SMC3: variants seen among roughly 807,000 people sequenced by gnomAD.
The protein encoded by SMC3 is structural maintenance of chromosomes protein 3.
Under a neutral mutation model 171.8 loss-of-function variants are expected in SMC3, and 20 were observed. The observed-to-expected ratio is 0.12, with a 90% CI of 0.08 to 0.17. The LOEUF is 0.17. SMC3 is among the 10% of genes least tolerant of loss of function. The pLI is 1.00. For synonymous variants in SMC3, 464 were observed against 451.1 expected (o/e 1.03, Z -0.36); for missense variants, 543 against 1,420.4 (o/e 0.38, Z 9.93).
At chr10:110,598,835 A>G (rs530586403) in intron 20 of SMC3, among the ~76,000 whole-genome samples, 14 of 152,316 alleles carry the variant, frequency 9.2e-5, no homozygotes, top group African/African-American at 3.4e-4. Flanking sequence ...AAGCTGTGAC[A>G]TAAGAGTACT....
chr10:110,592,816 T>C (rs1403990457), intron 17 of SMC3, among the ~76,000 whole-genome samples: 4 of 152,178 alleles, frequency 2.6e-5, no homozygotes, highest in African/African-American at 9.7e-5. Flanking sequence ...GTGTTTGAAT[T>C]TGGGCAGTCT....
chr10:110,586,374 G>C (rs1158774099), intron 13 of SMC3, among the ~76,000 whole-genome samples: 1 of 152,190 alleles, frequency 6.6e-6, no homozygotes, highest in African/African-American at 2.4e-5. Context: ...GAGTGGAAAA[G>C]TTGGGTTAAT....
chr10:110,569,083 TA>T, intron 2 of SMC3, 70 bp downstream of exon 2: 1 of 965,280 alleles, frequency 1.0e-6, no homozygotes, highest in Non-Finnish European at 1.7e-6. Flanking sequence ...TCCATTTCTA[TA>T]TTGGCTTAAG....
At chr10:110,583,176 G>C (rs770428564) in intron 10 of SMC3, among the ~76,000 whole-genome samples, 1 of 152,052 alleles carries the variant, frequency 6.6e-6, no homozygotes, top group Non-Finnish European at 1.5e-5. Context: ...ACAGGCATGA[G>C]CAACCATGTC....
rs373337157 is a variant in SMC3 at position 110,602,503 on chromosome 10, G to A, written c.3135G>A (p.Gln1045=). 75 of 1,613,266 alleles carry A rather than the reference G, an allele frequency of 4.6e-5. No individual in the cohort carries two copies. Among genetic ancestry groups the A allele is most frequent in the Non-Finnish European group, 5.8e-5 (68 of 1,179,690 alleles). ...CTAAGAACTTCAGTGAAGTATTCCAGAAGTTAGTACCTGGTGGCAAAGCTA... is the reference window on the plus strand; with the variant it reads ...CTAAGAACTTCAGTGAAGTATTCCAAAAGTTAGTACCTGGTGGCAAAGCTA... ...QVSKNFSEVF[Q]KLVPGGKATL... is the part of the protein sequence containing the mutation. The change falls in exon 26 of 29, where the codon CAG becomes CAA. Residue 1045 remains glutamine (Q), a synonymous_variant. Transcript: ENST00000361804.
chr10:110,591,825 AG>A (rs916026400), intron 17 of SMC3, among the ~76,000 whole-genome samples: 1 of 152,196 alleles, frequency 6.6e-6, no homozygotes, highest in Non-Finnish European at 1.5e-5. Context: ...AAGCTATCAA[AG>A]GGTCTGACTT....
chr10:110,604,475 T>C lies in SMC3; in HGVS notation c.*173T>C. On this transcript the variant is annotated 3_prime_UTR_variant, in exon 29 of 29. Transcript: ENST00000361804. ...AAGATACTCTGTAATGTCATGTTTG[T>C]ACTGATAGTTTAAGAATTTAATTTC... 1.8e-6 allele frequency: 1 copy of C among 543,974 alleles called. No individual in the cohort carries two copies. 33.7% of individuals were successfully genotyped at this position (543,974 alleles called of 1,614,324 possible).
chr10:110,587,457 G>A (rs1020804572), intron 13 of SMC3, among the ~76,000 whole-genome samples: 12 of 152,110 alleles, frequency 7.9e-5, no homozygotes, highest in Admixed American at 1.3e-4. Flanking sequence ...CGAGGTGGAC[G>A]GATCACGAGG....
At chr10:110,601,464 C>T (rs1861386093) in intron 23 of SMC3, among the ~76,000 whole-genome samples, 173 bp from the exon 24 acceptor site, 2 of 152,104 alleles carry the variant, frequency 1.3e-5, no homozygotes, top group South Asian at 4.1e-4. Context: ...TTGAGTGACT[C>T]ATATATACTT....
chr10:110,595,586 C>G (rs1218102060), intron 18 of SMC3, among the ~76,000 whole-genome samples: 1 of 152,164 alleles, frequency 6.6e-6, no homozygotes, highest in Admixed American at 6.5e-5. Context: ...TGCTTTAGCA[C>G]TTTGTTGACT....
At position 110,601,770 on chromosome 10, in the gene SMC3, A is replaced by T. The variant is rs1262149293; in HGVS notation, c.2778A>T (p.Thr926=). 1.2e-6 allele frequency: 2 copies of T among 1,613,964 alleles called. No homozygotes were observed. Among genetic ancestry groups the T allele is most frequent in the Admixed American group, 3.3e-5 (2 of 60,012 alleles). The change falls in exon 24 of 29, where the codon ACA becomes ACT. Residue 926 remains threonine (T), a synonymous_variant. Transcript: ENST00000361804. ...ATACTAAAGAACTGGAAAAGATGAC[A>T]AATCGGCAAGGCATGCTATTGAAGA... ...NHDTKELEKM[T]NRQGMLLKKK...
At chr10:110,599,254 C>T (rs1322753723) in intron 20 of SMC3, among the ~76,000 whole-genome samples, 1 of 152,130 alleles carries the variant, frequency 6.6e-6, no homozygotes, top group Non-Finnish European at 1.5e-5. Flanking sequence ...TGTGCCTCCA[C>T]ACCCAGCTAA....
At chr10:110,604,177 A>C in intron 28 of SMC3, 54 bp from the exon 29 acceptor site, 1 of 1,058,960 alleles carries the variant, frequency 9.4e-7, no homozygotes, top group East Asian at 2.4e-5. Context: ...TACCCTATAC[A>C]ATGTAAACAC....
intron 2 of SMC3, among the ~76,000 whole-genome samples, chr10:110,569,571 AT>A (rs1220630280): frequency 2.6e-5 from 4 of 152,176 alleles, no homozygotes; most frequent in African/African-American, 9.7e-5. Flanking sequence ...AACATGGCAC[AT>A]GTATACCTAT....
At chr10:110,568,736 T>C (rs1210879042) in intron 1 of SMC3, among the ~76,000 whole-genome samples, 4 of 152,024 alleles carry the variant, frequency 2.6e-5, no homozygotes, top group Non-Finnish European at 4.4e-5. Context: ...CCCAGCAGCA[T>C]TGCCTTGGCA....
intron 7 of SMC3, among the ~76,000 whole-genome samples, chr10:110,579,261 T>G: frequency 6.6e-6 from 1 of 152,236 alleles, no homozygotes; most frequent in Admixed American, 6.5e-5. Context: ...TATTTTATAC[T>G]GTAGGCCTTT....
At position 110,602,872 on chromosome 10, in the gene SMC3, T is replaced by C. The variant is rs1464118191; in HGVS notation, c.3345T>C (p.Leu1115=). ...GTGAAATGAGAGAAATGCAACAGCT[T>C]TCAGGTGGACAGAAATCCTTGGTAG... ...KQGEMREMQQ[L]SGGQKSLVAL... The change falls in exon 27 of 29, where the codon CTT becomes CTC. Residue 1115 remains leucine, a synonymous_variant. Coordinates refer to ENST00000361804, the MANE Select transcript of SMC3 (RefSeq NM_005445.4). The C allele has an allele frequency of 6.2e-7, 1 of 1,614,086 alleles. No homozygotes were observed. Among genetic ancestry groups the C allele is most frequent in the Non-Finnish European group, 8.5e-7 (1 of 1,179,966 alleles).
chr10:110,605,503 T>C lies in SMC3; in HGVS notation c.*1201T>C, dbSNP rs1861454592. ...TTGTTAGGAGCTACTCTTCCATCAT[T>C]GGAAACCAGAAATACCTAAAGAGAT... On this transcript the variant is annotated 3_prime_UTR_variant, in exon 29 of 29. Transcript: ENST00000361804. Among the ~76,000 whole-genome samples, 1 of 152,196 alleles carries C rather than the reference T, an allele frequency of 6.6e-6. No individual in the cohort carries two copies. Among genetic ancestry groups the C allele is most frequent in the Non-Finnish European group, 1.5e-5 (1 of 68,030 alleles).
Position 110,601,863 on chromosome 10 carries a change from C to T in SMC3, c.2871C>T (p.Tyr957=). 6.2e-7 allele frequency: 1 copy of T among 1,613,932 alleles called. No individual in the cohort carries two copies. The highest frequency in any genetic ancestry group is 8.5e-7 in the Non-Finnish European group (1 of 1,179,924). ...TTCCCCAGGAAGCATTTGAAAAGTA[C>T]CAGACACTGAGCCTCAAACAGGTTG... ...GSLPQEAFEK[Y]QTLSLKQLFR... The change falls in exon 24 of 29, where the codon TAC becomes TAT. Residue 957 remains tyrosine, a synonymous_variant. Transcript: ENST00000361804.
Sources: gnomAD v4.1 joint callset for allele counts (sites outside exome capture counted in the v4.1 genomes callset) on GRCh38, gnomAD v4.1.1 for gene constraint, MANE v1.5 for transcripts, NCBI Gene and HGNC (gene_info 2026-07-23, HGNC 2026-07-21) for gene names.